The following CYP2C19 variants were observed in gnomAD, a reference collection of about 807,000 sequenced individuals.
CYP2C19 encodes the protein cytochrome P450 family 2 subfamily C member 19, also known as cytochrome P450 2C19.
In CYP2C19, 59 loss-of-function variants were observed where a neutral mutation model predicts 40.9. That is an observed-to-expected ratio of 1.44 (90% CI 1.17 to 1.79). CYP2C19 has a LOEUF of 1.79. CYP2C19 is among the 40% of genes most tolerant of loss of function. The pLI is 0.00. For synonymous variants in CYP2C19, 253 were observed against 208.7 expected (o/e 1.21, Z -1.83); for missense variants, 754 against 596.9 (o/e 1.26, Z -2.74).
chr10:94,818,328 C>T (rs1405151868), intron 5 of CYP2C19, among the ~76,000 whole-genome samples: 2 of 151,016 alleles, frequency 1.3e-5, no homozygotes, highest in South Asian at 2.1e-4. Flanking sequence ...TAGTGTGATG[C>T]CTCCAGCTTT....
At chr10:94,832,297 CA>C (rs1362156340) in intron 6 of CYP2C19, among the ~76,000 whole-genome samples, 1 of 152,172 alleles carries the variant, frequency 6.6e-6, no homozygotes, top group Admixed American at 6.5e-5. Context: ...GGGGATGCCT[CA>C]AAATCATGGT....
At position 94,853,259 on chromosome 10, in the gene CYP2C19, G is replaced by A. The variant is rs1849682347; in HGVS notation, c.*345G>A. Reference sequence around the variant, plus strand: ...TAAACAAAAAGCATTATTATTTGCTGAGTCAGGTTATTAGACCTTCCTTCC... The same window carrying A: ...TAAACAAAAAGCATTATTATTTGCTAAGTCAGGTTATTAGACCTTCCTTCC... On this transcript the variant is annotated 3_prime_UTR_variant, in exon 9 of 9. Transcript: ENST00000371321. The A allele has an allele frequency of 8.3e-6, 3 of 361,202 alleles. No individual in the cohort carries two copies. The highest frequency in any genetic ancestry group is 1.5e-5 in the Non-Finnish European group (3 of 198,626). 22.4% of individuals were successfully genotyped at this position (361,202 alleles called of 1,614,324 possible).
chr10:94,821,008 G>A (rs377754026), intron 6 of CYP2C19, among the ~76,000 whole-genome samples: 1 of 152,126 alleles, frequency 6.6e-6, no homozygotes, highest in Non-Finnish European at 1.5e-5. Context: ...GCTTGAACCC[G>A]GGTGGTGGAG....
chr10:94,847,324 G>A (rs552057808), intron 7 of CYP2C19, among the ~76,000 whole-genome samples: 36 of 152,092 alleles, frequency 2.4e-4, no homozygotes, highest in South Asian at 1.2e-3. Flanking sequence ...GAGAATATGC[G>A]GTGTTTGGTT....
At chr10:94,787,523 AT>A (rs1481688032) in intron 5 of CYP2C19, among the ~76,000 whole-genome samples, 1 of 152,032 alleles carries the variant, frequency 6.6e-6, no homozygotes, top group Non-Finnish European at 1.5e-5. Flanking sequence ...GTCAATATTC[AT>A]TTTGGTTCCA....
Position 94,853,709 on chromosome 10 carries a change from C to A in CYP2C19, c.*795C>A, listed in dbSNP as rs145839468. On this transcript the variant is annotated 3_prime_UTR_variant, in exon 9 of 9. Coordinates refer to ENST00000371321, the MANE Select transcript of CYP2C19 (RefSeq NM_000769.4). ...TACAGACACGTGCCACCATGCCTGG[C>A]TAATTTTTTTGTATTTTTAGTACAG... 3.1e-3 allele frequency among the ~76,000 whole-genome samples: 472 copies of A among 151,952 alleles called. 3 individuals are homozygous for A. Among genetic ancestry groups the A allele is most frequent in the African/African-American group, 0.011 (449 of 41,430 alleles).
intron 5 of CYP2C19, among the ~76,000 whole-genome samples, chr10:94,818,985 G>A (rs1421456705): frequency 2.0e-5 from 3 of 150,862 alleles, no homozygotes; most frequent in Admixed American, 6.6e-5. Flanking sequence ...CCACATAGTT[G>A]GAAGTAAAGC....
intron 5 of CYP2C19, among the ~76,000 whole-genome samples, chr10:94,795,720 A>C (rs1238874262): frequency 6.6e-6 from 1 of 151,992 alleles, no homozygotes; most frequent in Non-Finnish European, 1.5e-5. Flanking sequence ...ATGGTATCTC[A>C]TTGTGGTTTT....
chr10:94,772,608 A>G (rs1347918377), intron 1 of CYP2C19, among the ~76,000 whole-genome samples: 2 of 152,130 alleles, frequency 1.3e-5, no homozygotes, highest in Non-Finnish European at 2.9e-5. Context: ...GGGACCCCGG[A>G]GCTGAATGGC....
chr10:94,791,215 C>A (rs1392847314), intron 5 of CYP2C19, among the ~76,000 whole-genome samples: 2 of 151,968 alleles, frequency 1.3e-5, no homozygotes, highest in African/African-American at 2.4e-5. Flanking sequence ...GTGGTGATAT[C>A]CCCTTTATCA....
At chr10:94,805,667 T>C (rs1848824441) in intron 5 of CYP2C19, among the ~76,000 whole-genome samples, 2 of 152,172 alleles carry the variant, frequency 1.3e-5, no homozygotes, top group Admixed American at 1.3e-4. Context: ...GCAGATTTCA[T>C]GAGCTCAGGA....
At position 94,840,487 on chromosome 10, in the gene CYP2C19, A is replaced by G. The variant is rs564647776; in HGVS notation, c.962-2350A>G. Reference sequence around the variant, plus strand: ...AGAGACTCCTTAGATCCCTTTAGAGATACAACTTGCTAGAGGAAATGAAAG... The same window carrying G: ...AGAGACTCCTTAGATCCCTTTAGAGGTACAACTTGCTAGAGGAAATGAAAG... On this transcript the variant is annotated intron_variant, in intron 6 of 8. Transcript: ENST00000371321. Among the ~76,000 whole-genome samples the G allele has an allele frequency of 5.3e-5, 8 of 152,250 alleles. No homozygotes were observed. The South Asian group carries it at 1.7e-3, about 32-fold the overall frequency.
chr10:94,828,719 G>T (rs1298862244), intron 6 of CYP2C19, among the ~76,000 whole-genome samples: 1 of 151,672 alleles, frequency 6.6e-6, no homozygotes, highest in South Asian at 2.1e-4. Context: ...ATGTTAGCTG[G>T]TTATTTTGCT....
At chr10:94,780,923 A>T (rs1007069356) in intron 4 of CYP2C19, among the ~76,000 whole-genome samples, 2 of 152,132 alleles carry the variant, frequency 1.3e-5, no homozygotes, top group Non-Finnish European at 2.9e-5. Flanking sequence ...CCCTGTTTCT[A>T]TAAAGTACTT....
intron 6 of CYP2C19, among the ~76,000 whole-genome samples, chr10:94,835,666 C>G (rs888526736): frequency 6.6e-6 from 1 of 152,076 alleles, no homozygotes; most frequent in Admixed American, 6.5e-5. Context: ...AATCTCCTAA[C>G]GGCTTCCTGA....
intron 5 of CYP2C19, among the ~76,000 whole-genome samples, chr10:94,788,429 G>A (rs925330282): frequency 6.6e-6 from 1 of 151,990 alleles, no homozygotes; most frequent in Non-Finnish European, 1.5e-5. Flanking sequence ...TAAGTTCTGG[G>A]GTACATCTGC....
chr10:94,773,077 G>A (rs191278226), intron 1 of CYP2C19, among the ~76,000 whole-genome samples: 12 of 152,308 alleles, frequency 7.9e-5, no homozygotes, highest in South Asian at 2.1e-4. Flanking sequence ...CACCGCACCC[G>A]GCCATTGGTC....
intron 5 of CYP2C19, among the ~76,000 whole-genome samples, chr10:94,814,352 G>A (rs1210831123): frequency 1.3e-5 from 2 of 151,776 alleles, no homozygotes; most frequent in Admixed American, 1.3e-4. Flanking sequence ...ATGTCCCTTT[G>A]GTGGTGCCAT....
intron 5 of CYP2C19, among the ~76,000 whole-genome samples, chr10:94,786,127 C>T (rs545728580): frequency 6.6e-6 from 1 of 152,152 alleles, no homozygotes; most frequent in African/African-American, 2.4e-5. Context: ...ACTACCTGCT[C>T]CTTAACCCAC....
Sources: gnomAD v4.1 joint callset for allele counts (sites outside exome capture counted in the v4.1 genomes callset) on GRCh38, gnomAD v4.1.1 for gene constraint, MANE v1.5 for transcripts, NCBI Gene and HGNC (gene_info 2026-07-23, HGNC 2026-07-21) for gene names.